The following YARS1 variants were observed in gnomAD, a reference collection of about 807,000 sequenced individuals.
YARS1 encodes the protein tyrosyl-tRNA synthetase 1, also known as tyrosine--tRNA ligase, cytoplasmic.
A neutral mutation model predicts 62.2 loss-of-function variants in YARS1; 36 were observed. The observed-to-expected ratio is 0.58, with a 90% CI of 0.44 to 0.76. The LOEUF is 0.76. YARS1 is among the 30% of genes least tolerant of loss of function. YARS1 has a pLI of 0.00. For synonymous variants in YARS1, 234 were observed against 244.9 expected (o/e 0.96, Z 0.42); for missense variants, 524 against 639.8 (o/e 0.82, Z 1.95).
chr1:32,778,200 T>C lies in YARS1; in HGVS notation c.1476+1182A>G, dbSNP rs142739622. Among the ~76,000 whole-genome samples the C allele has an allele frequency of 3.0e-4, 45 of 152,314 alleles. No homozygotes were observed. The East Asian group carries it at 6.6e-3, about 22-fold the overall frequency. ...GAGTCAACTCCTGCTGCTTTATTCA[T>C]TGAGGTAGCCCAAGCACCCAGAATA... On this transcript the variant is annotated intron_variant, in intron 12 of 12. Coordinates refer to ENST00000373477, the MANE Select transcript of YARS1 (RefSeq NM_003680.4).
chr1:32,781,558 GAA>G (rs763232787), intron 9 of YARS1: 29 of 135,992 alleles, frequency 2.1e-4, no homozygotes, highest in Middle Eastern at 3.7e-3. Context: ...GTCTCTTTTA[GAA>G]AAAAAAAAAA....
chr1:32,814,905 C>A (rs2148618515), intron 1 of YARS1, among the ~76,000 whole-genome samples: 1 of 152,264 alleles, frequency 6.6e-6, no homozygotes, highest in Admixed American at 6.5e-5. Flanking sequence ...TGATAGACTG[C>A]TGGTTTGAAT....
intron 4 of YARS1, among the ~76,000 whole-genome samples, chr1:32,800,853 G>A (rs543930077): frequency 1.3e-5 from 2 of 152,238 alleles, no homozygotes; most frequent in East Asian, 1.9e-4. Context: ...GATTACAGGC[G>A]TAAGCCACTG....
chr1:32,782,558 C>T lies in YARS1; in HGVS notation c.907-19G>A. The T allele has an allele frequency of 6.2e-7, 1 of 1,614,028 alleles. No homozygotes were observed. Among genetic ancestry groups the T allele is most frequent in the South Asian group, 1.1e-5 (1 of 91,080 alleles). On this transcript the variant is annotated intron_variant, in intron 8 of 12. Transcript: ENST00000373477. ...GTACAACCTGCAGAATCGAACAAGACCTAGTGAGATAAAGTCTAGAACAGG... is the reference window on the plus strand; with the variant it reads ...GTACAACCTGCAGAATCGAACAAGATCTAGTGAGATAAAGTCTAGAACAGG...
intron 5 of YARS1, among the ~76,000 whole-genome samples, chr1:32,792,283 C>T (rs746530020): frequency 6.6e-6 from 1 of 152,106 alleles, no homozygotes; most frequent in Non-Finnish European, 1.5e-5. Context: ...GCTCTAGGAA[C>T]AAGGACCACA....
rs1342299160 is a variant in YARS1 at position 32,776,145 on chromosome 1, AC to A, written c.1477-55del. On this transcript the variant is annotated intron_variant, in intron 12 of 12. Transcript: ENST00000373477. This position sits in a 1 kb window ranked among gnomAD's most constrained non-coding sequence, Gnocchi z 4.0. Reference sequence around the variant, plus strand: ...ATGATGGTGGTGGGACTGCAAGAAAACCCCCCCTTTTTTGGAGGGGGGGCAG... The same window carrying A: ...ATGATGGTGGTGGGACTGCAAGAAAACCCCCCTTTTTTGGAGGGGGGGCAG... The A allele has an allele frequency of 1.6e-5, 24 of 1,463,098 alleles. No individual in the cohort carries two copies. Among genetic ancestry groups the A allele is most frequent in the Middle Eastern group, 1.8e-4 (1 of 5,688 alleles). The allele number at this position is 1,463,098 out of a possible 1,614,324, so 90.6% of individuals were successfully genotyped here.
intron 4 of YARS1, 88 bp downstream of exon 4, chr1:32,806,394 A>G: frequency 6.2e-7 from 1 of 1,600,358 alleles, no homozygotes; most frequent in Non-Finnish European, 8.5e-7. Flanking sequence ...ATATCTGCGT[A>G]GTGCAGTAAA....
rs1214327533 is a variant in YARS1, at chr1:32,786,201, T to C, written c.906+161A>G. On this transcript the variant is annotated intron_variant, in intron 8 of 12. Coordinates refer to ENST00000373477, the MANE Select transcript of YARS1 (RefSeq NM_003680.4). ...AGAAACTTTAACCAAAACTGCAATT[T>C]TGAAGGAAAATGGACACTAGTGAGA... Among the ~76,000 whole-genome samples the C allele has an allele frequency of 2.0e-5, 3 of 152,114 alleles. No homozygotes were observed. In the East Asian group the frequency reaches 5.8e-4, roughly 29 times the overall value.
At chr1:32,813,722 C>G (rs998833030) in intron 1 of YARS1, among the ~76,000 whole-genome samples, 1 of 152,132 alleles carries the variant, frequency 6.6e-6, no homozygotes, top group Admixed American at 6.6e-5. Flanking sequence ...TTCCTAATCT[C>G]CCATTCCAAT....
chr1:32,777,653 A>T (rs1652912559), intron 12 of YARS1, among the ~76,000 whole-genome samples: 1 of 152,116 alleles, frequency 6.6e-6, no homozygotes, highest in Non-Finnish European at 1.5e-5. Flanking sequence ...ATGGTCAGGT[A>T]CAGTAGCTCA....
At position 32,806,603 on chromosome 1, in the gene YARS1, G is replaced by A; in HGVS notation, c.389C>T (p.Thr130Ile). The change falls in exon 4 of 13, where the codon ACA becomes ATA. Residue 130 changes from threonine to isoleucine, a missense_variant. Thr to Ile is a moderately conservative substitution (Grantham distance 89). Coordinates refer to ENST00000373477, the MANE Select transcript of YARS1 (RefSeq NM_003680.4). ...GTDYQLSKEY[T>I]LDVYRLSSVV... ...GGAGGAGAGTCTGTACACATCTAGT[G>A]TGTACTCTCTGAAGAGGAAAGGAAG... 4 of 1,614,144 alleles carry A rather than the reference G, an allele frequency of 2.5e-6. No homozygotes were observed. The highest frequency in any genetic ancestry group is 2.2e-5 in the East Asian group (1 of 44,886).
rs183783221 is a variant in YARS1, at chr1:32,805,653, G to T, written c.510+829C>A. Among the ~76,000 whole-genome samples the T allele has an allele frequency of 2.0e-3, 308 of 152,180 alleles. 3 individuals are homozygous for T. Among genetic ancestry groups the T allele is most frequent in the African/African-American group, 6.1e-3 (253 of 41,506 alleles). ...TCTTCACTAAGCTTAATCATTTCTAGGTGTAGATTTAAAGTGACAGATGTG... is the reference window on the plus strand; with the variant it reads ...TCTTCACTAAGCTTAATCATTTCTATGTGTAGATTTAAAGTGACAGATGTG... On this transcript the variant is annotated intron_variant, in intron 4 of 12. Coordinates refer to ENST00000373477, the MANE Select transcript of YARS1 (RefSeq NM_003680.4).
At chr1:32,784,833 A>G (rs1274378965) in intron 8 of YARS1, among the ~76,000 whole-genome samples, 1 of 152,208 alleles carries the variant, frequency 6.6e-6, no homozygotes, top group Admixed American at 6.5e-5. Context: ...ACTGAGCATT[A>G]GGAGGACTGA....
chr1:32,802,522 T>G (rs1477506891), intron 4 of YARS1, among the ~76,000 whole-genome samples: 1 of 152,172 alleles, frequency 6.6e-6, no homozygotes, highest in East Asian at 1.9e-4. Flanking sequence ...ATAGTAGGAC[T>G]TGAAAGTTGA....
intron 8 of YARS1, among the ~76,000 whole-genome samples, 165 bp downstream of exon 8, chr1:32,786,197 A>T (rs1259136116): frequency 6.6e-6 from 1 of 152,192 alleles, no homozygotes; most frequent in Non-Finnish European, 1.5e-5. Context: ...CCAAAACTGC[A>T]ATTTTGAAGG....
chr1:32,776,079 T>C lies in YARS1; in HGVS notation c.1489A>G (p.Ile497Val). 1 of 1,613,868 alleles carries C rather than the reference T, an allele frequency of 6.2e-7. No individual in the cohort carries two copies. The highest frequency in any genetic ancestry group is 8.5e-7 in the Non-Finnish European group (1 of 1,179,906). ...CACTGTGCGATGCACTCCTCAGAAA[T>C]TTTGAAGTCAGCCTGGACAAGACAG... ...VFEKLQADFKISEECIAQWKQ... is the reference protein window; with the variant it reads ...VFEKLQADFKVSEECIAQWKQ... Residue 497 changes from isoleucine to valine, a missense_variant, in exon 13 of 13, where the codon ATT becomes GTT. Transcript: ENST00000373477. This position sits in a 1 kb window ranked among gnomAD's most constrained non-coding sequence, Gnocchi z 4.0.
chr1:32,810,013 G>A (rs1462051634), intron 3 of YARS1, among the ~76,000 whole-genome samples: 6 of 151,836 alleles, frequency 4.0e-5, no homozygotes, highest in Admixed American at 3.9e-4. Context: ...GGCTGAGGGA[G>A]GAGAATCTCT....
At chr1:32,816,044 G>T (rs1638717130) in intron 1 of YARS1, among the ~76,000 whole-genome samples, 1 of 151,052 alleles carries the variant, frequency 6.6e-6, no homozygotes, top group Non-Finnish European at 1.5e-5. Context: ...GGGAGGCGGA[G>T]GTTGCAATGA....
chr1:32,817,061 C>A, intron 1 of YARS1, 127 bp downstream of exon 1: 2 of 1,210,648 alleles, frequency 1.7e-6, no homozygotes, highest in South Asian at 2.4e-5. Context: ...GATCTACAGG[C>A]TCTCTCAGAG....
Sources: allele counts gnomAD v4.1 joint callset (sites outside exome capture counted in the v4.1 genomes callset), GRCh38; gene constraint gnomAD v4.1.1; non-coding constraint Gnocchi (gnomAD v3.1); transcripts MANE v1.5; gene names NCBI Gene and HGNC (gene_info 2026-07-23, HGNC 2026-07-21).